Variants in DENND1B observed in about 807,000 individuals in gnomAD.
DENND1B encodes DENN domain containing 1B.
A neutral mutation model predicts 90.1 loss-of-function variants in DENND1B; 59 were observed. That is an observed-to-expected ratio of 0.65 (90% confidence interval 0.53 to 0.81). The LOEUF is 0.81. Ranked by LOEUF, DENND1B falls within the 40% of genes least tolerant of loss-of-function variation. DENND1B has a pLI of 0.00. For missense variants in DENND1B, 862 were observed against 912.6 expected (o/e 0.94, Z 0.71); for synonymous variants, 337 against 324.6 (o/e 1.04, Z -0.41).
chr1:197,668,328 G>A (rs967473530), intron 5 of DENND1B, among the ~76,000 whole-genome samples: 1 of 151,506 alleles, frequency 6.6e-6, no homozygotes, highest in Non-Finnish European at 1.5e-5. Flanking sequence ...GGGAATATAT[G>A]AGTAAACAAA....
chr1:197,722,150 C>T (rs1661240036), intron 2 of DENND1B, among the ~76,000 whole-genome samples: 1 of 152,044 alleles, frequency 6.6e-6, no homozygotes, highest in Non-Finnish European at 1.5e-5. Context: ...AACAGAAAGA[C>T]TATCTGTGAA....
chr1:197,652,186 T>G, intron 7 of DENND1B, 49 bp downstream of exon 7: 2 of 1,518,972 alleles, frequency 1.3e-6, no homozygotes, highest in Non-Finnish European at 1.8e-6. Context: ...CTTAACGAAA[T>G]TGAGACATAG....
At position 197,538,997 on chromosome 1, in the gene DENND1B, G is replaced by A. The variant is rs115853196; in HGVS notation, c.1515+967C>T. Among the ~76,000 whole-genome samples, 915 of 152,094 alleles carry A rather than the reference G, an allele frequency of 6.0e-3. 3 individuals are homozygous for A. Among genetic ancestry groups the A allele is most frequent in the African/African-American group, 0.021 (880 of 41,486 alleles). On this transcript the variant is annotated intron_variant, in intron 20 of 22. Transcript: ENST00000620048. ...TTGATCTTGGACTTTCCAGCCTCCCGAACTGTGAGAAATAAACTTCTGTTC... is the reference window on the plus strand; with the variant it reads ...TTGATCTTGGACTTTCCAGCCTCCCAAACTGTGAGAAATAAACTTCTGTTC...
intron 14 of DENND1B, among the ~76,000 whole-genome samples, chr1:197,588,916 T>C (rs1455833785): frequency 6.6e-6 from 1 of 152,094 alleles, no homozygotes; most frequent in Non-Finnish European, 1.5e-5. Context: ...ATTCTATTTG[T>C]ACATATTATT....
intron 10 of DENND1B, among the ~76,000 whole-genome samples, chr1:197,636,247 T>C (rs1282484109): frequency 3.9e-5 from 6 of 152,098 alleles, no homozygotes; most frequent in Non-Finnish European, 7.4e-5. Flanking sequence ...AAAAGTGGTA[T>C]TCAAAATGAG....
intron 1 of DENND1B, among the ~76,000 whole-genome samples, chr1:197,774,882 A>C (rs1320177892): frequency 1.3e-5 from 2 of 151,996 alleles, no homozygotes; most frequent in Middle Eastern, 3.2e-3. Context: ...GGGCGTCGAC[A>C]AGGCGCTAGT....
rs776683502 is a variant in DENND1B, at chr1:197,545,916, A to G, written c.1350+6T>C. ...AATAGGATTGTTAAATATCAAAAAA[A>G]CTTACAAATTTATATGCTGTCCGTA... On this transcript the variant is annotated splice_donor_region_variant and intron_variant, in intron 18 of 22. Transcript: ENST00000620048. 6.3e-7 allele frequency: 1 copy of G among 1,599,280 alleles called. No homozygotes were observed. The highest frequency in any genetic ancestry group is 8.5e-7 in the Non-Finnish European group (1 of 1,175,754).
At chr1:197,647,323 A>C (rs1350949644) in intron 7 of DENND1B, among the ~76,000 whole-genome samples, 1 of 152,278 alleles carries the variant, frequency 6.6e-6, no homozygotes, top group South Asian at 2.1e-4. Flanking sequence ...ATATTACAAG[A>C]GTAGAGAATG....
intron 15 of DENND1B, among the ~76,000 whole-genome samples, chr1:197,565,646 C>G (rs1020959813): frequency 3.4e-5 from 4 of 118,726 alleles, no homozygotes; most frequent in Admixed American, 9.8e-5. Context: ...TCCCTCCCCC[C>G]ACCCCACAAC....
intron 14 of DENND1B, among the ~76,000 whole-genome samples, chr1:197,589,531 A>G (rs1675002181): frequency 6.6e-6 from 1 of 152,176 alleles, no homozygotes; most frequent in Admixed American, 6.5e-5. Context: ...TGGATTTTTA[A>G]AACTCTAATA....
At chr1:197,699,117 A>T (rs1658757191) in intron 3 of DENND1B, among the ~76,000 whole-genome samples, 1 of 152,134 alleles carries the variant, frequency 6.6e-6, no homozygotes, top group Admixed American at 6.5e-5. Flanking sequence ...AAAAAGGGAA[A>T]ACTTCAGGCC....
In DENND1B at chr1:197,543,147, C is replaced by T. The variant is rs1316858063; in HGVS notation, c.1351-2132G>A. 4.6e-5 allele frequency among the ~76,000 whole-genome samples: 7 copies of T among 152,192 alleles called. No homozygotes were observed. The East Asian group carries it at 1.4e-3, about 29-fold the overall frequency. On this transcript the variant is annotated intron_variant, in intron 18 of 22. Coordinates refer to ENST00000620048, the MANE Select transcript of DENND1B (RefSeq NM_001195215.2). ...ATGGGGTTTCACCATGTTGGCCAGGCTGGTCTCAAACTCCTGACCTCAAGC... is the reference window on the plus strand; with the variant it reads ...ATGGGGTTTCACCATGTTGGCCAGGTTGGTCTCAAACTCCTGACCTCAAGC...
chr1:197,583,609 ACT>A (rs1488360960), intron 14 of DENND1B, among the ~76,000 whole-genome samples: 1 of 152,204 alleles, frequency 6.6e-6, no homozygotes, highest in Non-Finnish European at 1.5e-5. Context: ...ATTGGAAAAC[ACT>A]GTTACTATAA....
intron 15 of DENND1B, among the ~76,000 whole-genome samples, chr1:197,571,582 T>C (rs923844679): frequency 6.6e-6 from 1 of 152,240 alleles, no homozygotes; most frequent in Non-Finnish European, 1.5e-5. Context: ...AGTCAATGTC[T>C]CATATACTCT....
At chr1:197,569,599 G>C (rs1166896876) in intron 15 of DENND1B, among the ~76,000 whole-genome samples, 3 of 144,570 alleles carry the variant, frequency 2.1e-5, no homozygotes, top group Admixed American at 6.9e-5. Flanking sequence ...CACACACAAT[G>C]GAACACTATT....
At chr1:197,550,832 T>C (rs1296633654) in intron 16 of DENND1B, among the ~76,000 whole-genome samples, 1 of 151,818 alleles carries the variant, frequency 6.6e-6, no homozygotes, top group Non-Finnish European at 1.5e-5. Flanking sequence ...AAGTACCTCC[T>C]TGGGTGTTGT....
In DENND1B at chr1:197,508,831, C is replaced by T. The variant is rs1667847897; in HGVS notation, c.*1629G>A. 2.0e-5 allele frequency: 3 copies of T among 151,686 alleles called. No individual in the cohort carries two copies. Among genetic ancestry groups the T allele is most frequent in the Non-Finnish European group, 4.4e-5 (3 of 67,798 alleles). The allele number at this position is 151,686 out of a possible 1,614,324, so 9.4% of individuals were successfully genotyped here. ...GATTGTGCCTGGTAATCTAGTCTAT[C>T]ATGAAGTAATTAGTACATGATTCCT... On this transcript the variant is annotated 3_prime_UTR_variant, in exon 23 of 23. Transcript: ENST00000620048.
At chr1:197,646,186 C>A (rs1680720069) in intron 8 of DENND1B, among the ~76,000 whole-genome samples, 1 of 151,764 alleles carries the variant, frequency 6.6e-6, no homozygotes, top group Non-Finnish European at 1.5e-5. Flanking sequence ...CCAAATATAT[C>A]AAAATCTACT....
At chr1:197,727,993 A>G (rs1429240786) in intron 2 of DENND1B, among the ~76,000 whole-genome samples, 4 of 152,140 alleles carry the variant, frequency 2.6e-5, no homozygotes, top group Non-Finnish European at 5.9e-5. Flanking sequence ...AAAAAAATGG[A>G]TCGCCCCTAC....
Sources: gnomAD v4.1 joint callset for allele counts (sites outside exome capture counted in the v4.1 genomes callset) on GRCh38, gnomAD v4.1.1 for gene constraint, MANE v1.5 for transcripts, NCBI Gene and HGNC (gene_info 2026-07-23, HGNC 2026-07-21) for gene names.